Variants in NFATC2 observed in about 807,000 individuals in gnomAD.
NFATC2 encodes nuclear factor of activated T-cells, cytoplasmic 2.
A neutral mutation model predicts 87.3 loss-of-function variants in NFATC2; 22 were observed. That is an observed-to-expected ratio of 0.25 (90% confidence interval 0.18 to 0.36). The LOEUF (loss-of-function observed/expected upper bound fraction) is 0.36, where lower values mean the gene tolerates loss of function less well. Ranked by LOEUF, NFATC2 falls within the 10% of genes least tolerant of loss-of-function variation. The pLI, the probability that NFATC2 is intolerant of heterozygous loss-of-function variation, is 1.00. For synonymous variants in NFATC2, 565 were observed against 542.2 expected, an observed-to-expected ratio of 1.04 and a Z score of -0.58; for missense variants, 1,149 against 1,259.1, an observed-to-expected ratio of 0.91 and a Z score of 1.32.
At chr20:51,437,695 T>C (rs1373596125) in intron 6 of NFATC2, among the ~76,000 whole-genome samples, 1 of 152,206 alleles carries the variant, frequency 6.6e-6, no homozygotes, top group Non-Finnish European at 1.5e-5. Flanking sequence ...GTCCTGACCT[T>C]ACAGCGCAAT....
Position 51,523,402 on chromosome 20 carries a change from G to A in NFATC2, c.839C>T (p.Ser280Leu). 6.2e-7 allele frequency: 1 copy of A among 1,609,006 alleles called. No homozygotes were observed. Among genetic ancestry groups the A allele is most frequent in the Admixed American group, 1.7e-5 (1 of 59,492 alleles). ...QRSRSPSPQP[S>L]SHVAPQDHGS... ...GTGGTCCTGGGGTGCCACGTGAGAT[G>A]AGGGCTGCGGCGAGGGGCTCCGGGA... The change falls in exon 2 of 11, where the codon TCA becomes TTA. Residue 280 changes from serine to leucine, a missense_variant. Around this residue, in one of 3 missense-constraint regions of NFATC2, gnomAD observed 563 missense variants for 585.2 expected, o/e 0.96. Transcript: ENST00000371564. The surrounding 1 kb of genome is among the most constrained non-coding windows in gnomAD (Gnocchi z 6.9).
At chr20:51,516,668 G>A in intron 3 of NFATC2, 116 bp downstream of exon 3, 2 of 1,038,864 alleles carry the variant, frequency 1.9e-6, no homozygotes, top group Non-Finnish European at 2.8e-6. Flanking sequence ...TTCCTCAAAG[G>A]AGTAAGAGGC....
intron 1 of NFATC2, among the ~76,000 whole-genome samples, chr20:51,548,073 G>A (rs750832275): frequency 2.6e-5 from 4 of 152,100 alleles, no homozygotes; most frequent in South Asian, 4.1e-4. Flanking sequence ...AAGGCCCTAC[G>A]TAAGCTACGT....
intron 5 of NFATC2, among the ~76,000 whole-genome samples, chr20:51,461,989 C>T (rs1366868684): frequency 6.6e-6 from 1 of 151,854 alleles, no homozygotes; most frequent in South Asian, 2.1e-4. Flanking sequence ...CGTGGTGGTA[C>T]GTGCCTGGAA....
At chr20:51,535,860 C>G (rs549623443) in intron 1 of NFATC2, among the ~76,000 whole-genome samples, 3 of 152,148 alleles carry the variant, frequency 2.0e-5, no homozygotes, top group Non-Finnish European at 4.4e-5. Flanking sequence ...CCCTTCAGAC[C>G]CAGCTGAAGA....
rs1042751754 is a variant in NFATC2, at chr20:51,388,431, T to A, written c.*3065A>T. On this transcript the variant is annotated 3_prime_UTR_variant, in exon 11 of 11. Transcript: ENST00000371564. ...AGAGAGGTGACTAACAGGCTCTGAGTGGGGGTTTTATTATATGGGTTTTTG... is the reference window on the plus strand; with the variant it reads ...AGAGAGGTGACTAACAGGCTCTGAGAGGGGGTTTTATTATATGGGTTTTTG... The A allele has an allele frequency of 6.6e-6, 1 of 151,762 alleles. No homozygotes were observed. The highest frequency in any genetic ancestry group is 6.6e-5 in the Admixed American group (1 of 15,222). The allele number at this position is 151,762 out of a possible 1,614,324, so 9.4% of individuals were successfully genotyped here.
At chr20:51,479,772 G>T (rs552560194) in intron 3 of NFATC2, among the ~76,000 whole-genome samples, 2 of 152,176 alleles carry the variant, frequency 1.3e-5, no homozygotes, top group Non-Finnish European at 1.5e-5. Context: ...GGAAACTGAG[G>T]CTGCTAAGGT....
chr20:51,529,930 G>A (rs1349975988), intron 1 of NFATC2, among the ~76,000 whole-genome samples: 1 of 152,094 alleles, frequency 6.6e-6, no homozygotes, highest in Admixed American at 6.5e-5. Flanking sequence ...CCCCGCCCCC[G>A]CCAATGCTTC....
At chr20:51,470,931 C>G (rs1232575108) in intron 5 of NFATC2, among the ~76,000 whole-genome samples, 2 of 152,022 alleles carry the variant, frequency 1.3e-5, no homozygotes, top group East Asian at 3.9e-4. Flanking sequence ...GTTATGGGAA[C>G]CAAAAGAAGA....
In NFATC2 at chr20:51,387,066, T is replaced by C. The variant is rs1236624292; in HGVS notation, c.*4430A>G. On this transcript the variant is annotated 3_prime_UTR_variant, in exon 11 of 11. Transcript: ENST00000371564. ...ACATTAAACTGGAGATTAAAAACATTTGCATAGGAATGTGATGTATTCAAA... is the reference window on the plus strand; with the variant it reads ...ACATTAAACTGGAGATTAAAAACATCTGCATAGGAATGTGATGTATTCAAA... 6.6e-6 allele frequency: 1 copy of C among 152,222 alleles called. No individual in the cohort carries two copies. The highest frequency in any genetic ancestry group is 1.5e-5 in the Non-Finnish European group (1 of 68,040). The allele number at this position is 152,222 out of a possible 1,614,324, so 9.4% of individuals were successfully genotyped here.
chr20:51,482,932 T>A (rs1989385812), intron 3 of NFATC2, among the ~76,000 whole-genome samples: 1 of 152,154 alleles, frequency 6.6e-6, no homozygotes, highest in South Asian at 2.1e-4. Flanking sequence ...CATCCCAGGG[T>A]TCGGACTAGC....
chr20:51,439,074 G>A (rs1301517160), intron 6 of NFATC2, among the ~76,000 whole-genome samples: 1 of 152,198 alleles, frequency 6.6e-6, no homozygotes, highest in African/African-American at 2.4e-5. Flanking sequence ...TCATGCAGAT[G>A]CAGATTTCAA....
Position 51,499,480 on chromosome 20 carries a change from C to T in NFATC2, c.1332+17304G>A, listed in dbSNP as rs1432583243. On this transcript the variant is annotated intron_variant, in intron 3 of 10. Transcript: ENST00000371564. ...TCAAAATCTAAAACGCGGCCGGGCA[C>T]GGTGGCTCATGCCTATAATCCCAGC... Among the ~76,000 whole-genome samples, 9 of 152,230 alleles carry T rather than the reference C, an allele frequency of 5.9e-5. No homozygotes were observed. The East Asian group carries it at 9.7e-4, about 16-fold the overall frequency.
At chr20:51,489,212 T>G (rs1045039742) in intron 3 of NFATC2, among the ~76,000 whole-genome samples, 2 of 152,082 alleles carry the variant, frequency 1.3e-5, no homozygotes, top group African/African-American at 2.4e-5. Context: ...TGCAGATGAC[T>G]TGCAGAAGAG....
At chr20:51,558,364 G>A (rs1304691517) in intron 1 of NFATC2, among the ~76,000 whole-genome samples, 1 of 151,928 alleles carries the variant, frequency 6.6e-6, no homozygotes, top group Non-Finnish European at 1.5e-5. Flanking sequence ...ATAAAAACTT[G>A]ACCGGCTTCT....
intron 9 of NFATC2, among the ~76,000 whole-genome samples, chr20:51,401,135 C>T (rs568832657): frequency 2.0e-4 from 31 of 152,172 alleles, no homozygotes; most frequent in Admixed American, 7.2e-4. Context: ...GTTGGGAGGC[C>T]GAAGTGGGTG....
chr20:51,407,775 C>T (rs1207670115), intron 9 of NFATC2, among the ~76,000 whole-genome samples: 2 of 152,222 alleles, frequency 1.3e-5, no homozygotes, highest in Non-Finnish European at 2.9e-5. Flanking sequence ...GGACGAGAAC[C>T]GTGGAGTCTG....
chr20:51,418,659 GTTT>G (rs752511466), intron 9 of NFATC2, among the ~76,000 whole-genome samples: 4,736 of 124,824 alleles, frequency 0.038, 145 homozygotes, highest in African/African-American at 0.14. Flanking sequence ...TGTTTGTTTG[GTTT>G]TTTTTTTTTT....
intron 6 of NFATC2, among the ~76,000 whole-genome samples, chr20:51,448,539 G>C (rs1179924689): frequency 1.3e-5 from 2 of 152,240 alleles, no homozygotes; most frequent in African/African-American, 4.8e-5. Context: ...AGCTACTCAG[G>C]AGGCTGGGGC....
Sources: gnomAD v4.1 joint callset for allele counts (sites outside exome capture counted in the v4.1 genomes callset) on GRCh38, gnomAD v4.1.1 for gene constraint, gnomAD v4.1.1 regional missense constraint, Gnocchi (gnomAD v3.1) non-coding constraint, MANE v1.5 for transcripts, NCBI Gene and HGNC (gene_info 2026-07-23, HGNC 2026-07-21) for gene names.